ZMAT4: variants seen among roughly 807,000 people sequenced by gnomAD.
ZMAT4 encodes the protein zinc finger matrin-type 4.
A neutral mutation model predicts 28.7 loss-of-function variants in ZMAT4; 17 were observed. The ratio of observed to expected loss-of-function variants is 0.59; its 90% confidence interval spans 0.41 to 0.89. The LOEUF is 0.89. ZMAT4 is among the 40% of genes least tolerant of loss of function. ZMAT4 has a pLI of 0.00. For missense variants in ZMAT4, 240 were observed against 283.8 expected (o/e 0.85, Z 1.11); for synonymous variants, 117 against 109.2 (o/e 1.07, Z -0.44).
intron 2 of ZMAT4, among the ~76,000 whole-genome samples, chr8:40,777,944 G>A (rs372395857): frequency 6.6e-6 from 1 of 152,040 alleles, no homozygotes; most frequent in Non-Finnish European, 1.5e-5. Context: ...AATTGAACTC[G>A]GTTATTCTGA....
At chr8:40,840,458 C>A (rs1476050343) in intron 1 of ZMAT4, among the ~76,000 whole-genome samples, 1 of 152,174 alleles carries the variant, frequency 6.6e-6, no homozygotes, top group Non-Finnish European at 1.5e-5. Flanking sequence ...CCGGTAGGCA[C>A]CCTGAGCACT....
intron 5 of ZMAT4, among the ~76,000 whole-genome samples, chr8:40,653,547 T>C (rs1185430387): frequency 1.3e-5 from 2 of 152,084 alleles, no homozygotes; most frequent in East Asian, 1.9e-4. Flanking sequence ...CACAAATTAC[T>C]AAACTAAAAA....
At chr8:40,572,277 G>C (rs1804123006) in intron 6 of ZMAT4, among the ~76,000 whole-genome samples, 1 of 152,062 alleles carries the variant, frequency 6.6e-6, no homozygotes. Context: ...AAATAAATGA[G>C]TATAATGGGG....
intron 6 of ZMAT4, among the ~76,000 whole-genome samples, chr8:40,546,985 T>A (rs949943026): frequency 3.9e-5 from 6 of 152,174 alleles, no homozygotes; most frequent in Non-Finnish European, 5.9e-5. Context: ...CAAACTTTCA[T>A]GGCAACAATA....
chr8:40,692,972 G>A (rs1809720838), intron 4 of ZMAT4, among the ~76,000 whole-genome samples: 2 of 152,096 alleles, frequency 1.3e-5, no homozygotes, highest in East Asian at 1.9e-4. Flanking sequence ...CTCATATACC[G>A]GGTTAGTGTC....
At chr8:40,600,173 G>A (rs565685387) in intron 5 of ZMAT4, among the ~76,000 whole-genome samples, 3 of 152,240 alleles carry the variant, frequency 2.0e-5, no homozygotes, top group Non-Finnish European at 4.4e-5. Flanking sequence ...GGGCTATTTA[G>A]TGGACTGCAG....
chr8:40,792,493 AAGG>A (rs1563487450), intron 2 of ZMAT4, among the ~76,000 whole-genome samples: 249 of 24,118 alleles, frequency 0.01, 12 homozygotes, highest in African/African-American at 0.032. Context: ...GGAAGGAAGG[AAGG>A]AAGGAAGGAA....
chr8:40,770,461 G>T (rs562788149), intron 2 of ZMAT4, among the ~76,000 whole-genome samples: 22 of 151,924 alleles, frequency 1.4e-4, no homozygotes, highest in African/African-American at 4.6e-4. Flanking sequence ...TGAGGATGGA[G>T]ACCTGCCAGG....
At chr8:40,710,595 A>G (rs970024119) in intron 3 of ZMAT4, among the ~76,000 whole-genome samples, 14 of 152,128 alleles carry the variant, frequency 9.2e-5, no homozygotes, top group African/African-American at 2.7e-4. Flanking sequence ...CATTGCCACA[A>G]AAAGAAACCC....
intron 5 of ZMAT4, among the ~76,000 whole-genome samples, chr8:40,587,856 G>C (rs1804719230): frequency 6.6e-6 from 1 of 151,924 alleles, no homozygotes; most frequent in Non-Finnish European, 1.5e-5. Flanking sequence ...AATATACACT[G>C]AATTCAAAGG....
At chr8:40,560,973 A>G (rs549409412) in intron 6 of ZMAT4, among the ~76,000 whole-genome samples, 5 of 152,126 alleles carry the variant, frequency 3.3e-5, no homozygotes, top group African/African-American at 1.2e-4. Flanking sequence ...TTAGTCCCCA[A>G]AAAACCCTTT....
intron 2 of ZMAT4, among the ~76,000 whole-genome samples, chr8:40,779,863 A>T (rs1311418721): frequency 6.6e-6 from 1 of 152,162 alleles, no homozygotes; most frequent in Non-Finnish European, 1.5e-5. Context: ...AAAATCAGGG[A>T]GAAATAGTCT....
At chr8:40,876,050 A>G (rs555991444) in intron 1 of ZMAT4, among the ~76,000 whole-genome samples, 124 of 152,334 alleles carry the variant, frequency 8.1e-4, no homozygotes, top group Non-Finnish European at 1.2e-3. Context: ...TTGGGCTTGT[A>G]GAATTAAATC....
In ZMAT4 at chr8:40,696,165, A is replaced by G. The variant is rs117023846; in HGVS notation, c.349+1080T>C. Among the ~76,000 whole-genome samples the G allele has an allele frequency of 8.1e-3, 1,231 of 152,266 alleles. 7 individuals are homozygous for G. The highest frequency in any genetic ancestry group is 0.014 in the Middle Eastern group (4 of 294). ...TTCATGTGTTTTGCAACCTCATCCT[A>G]TGCCTGAATGTCACAGCCACCTTTA... On this transcript the variant is annotated intron_variant, in intron 4 of 6. Coordinates refer to ENST00000297737, the MANE Select transcript of ZMAT4 (RefSeq NM_024645.3).
chr8:40,841,610 A>G (rs1413072778), intron 1 of ZMAT4, among the ~76,000 whole-genome samples: 2 of 152,088 alleles, frequency 1.3e-5, no homozygotes, highest in South Asian at 2.1e-4. Context: ...CACCCCTGCA[A>G]TGCTGTGCTT....
At chr8:40,693,972 A>C (rs1809765264) in intron 4 of ZMAT4, among the ~76,000 whole-genome samples, 1 of 152,214 alleles carries the variant, frequency 6.6e-6, no homozygotes, top group Non-Finnish European at 1.5e-5. Flanking sequence ...ACCCCAGTTC[A>C]AGAGCCTGTT....
intron 3 of ZMAT4, among the ~76,000 whole-genome samples, chr8:40,710,404 G>A (rs926039923): frequency 2.6e-5 from 4 of 152,214 alleles, no homozygotes; most frequent in Admixed American, 2.6e-4. Flanking sequence ...TGAGCAGATG[G>A]CATACAGGCG....
intron 2 of ZMAT4, among the ~76,000 whole-genome samples, chr8:40,801,653 A>C (rs1814855204): frequency 6.6e-6 from 1 of 151,974 alleles, no homozygotes; most frequent in Admixed American, 6.6e-5. Context: ...CTGGGCAACA[A>C]GAGCGAAACT....
chr8:40,866,585 T>C (rs1375645771), intron 1 of ZMAT4, among the ~76,000 whole-genome samples: 2 of 152,174 alleles, frequency 1.3e-5, no homozygotes, highest in East Asian at 3.9e-4. Flanking sequence ...ATCTGGCTGT[T>C]TTATCTTTTT....
Sources: gnomAD v4.1 joint callset for allele counts (sites outside exome capture counted in the v4.1 genomes callset) on GRCh38, gnomAD v4.1.1 for gene constraint, MANE v1.5 for transcripts, NCBI Gene and HGNC (gene_info 2026-07-23, HGNC 2026-07-21) for gene names.